Variants in LCORL observed in about 807,000 individuals in gnomAD.
LCORL encodes the protein ligand-dependent nuclear receptor corepressor-like protein.
LCORL carries 41 observed loss-of-function variants against 141.8 expected under a neutral mutation model. The observed-to-expected ratio is 0.29, with a 90% CI of 0.23 to 0.38. LCORL has a LOEUF of 0.38. Ranked by LOEUF, LCORL falls within the 10% of genes least tolerant of loss-of-function variation. The pLI is 1.00. For synonymous variants in LCORL, 618 were observed against 694.1 expected, an observed-to-expected ratio of 0.89 and a Z score of 1.72; for missense variants, 1,759 against 2,035.0, an observed-to-expected ratio of 0.86 and a Z score of 2.61.
At chr4:17,862,038 C>T (rs1414374005) in intron 7 of LCORL, among the ~76,000 whole-genome samples, 1 of 152,190 alleles carries the variant, frequency 6.6e-6, no homozygotes, top group East Asian at 1.9e-4. Context: ...CTGAGTGCTC[C>T]AAACTGTTCC....
chr4:17,963,607 AC>A (rs1015441295), intron 2 of LCORL, among the ~76,000 whole-genome samples: 1 of 151,566 alleles, frequency 6.6e-6, no homozygotes, highest in Non-Finnish European at 1.5e-5. Context: ...AATCAGGTAA[AC>A]AAATAAGGTA....
intron 7 of LCORL, among the ~76,000 whole-genome samples, chr4:17,858,884 A>G (rs1724669346): frequency 6.6e-6 from 1 of 152,200 alleles, no homozygotes; most frequent in Non-Finnish European, 1.5e-5. Flanking sequence ...GTTGATAACC[A>G]GTGATAAAGA....
At chr4:17,906,405 C>T (rs1228441499) in intron 5 of LCORL, among the ~76,000 whole-genome samples, 2 of 152,118 alleles carry the variant, frequency 1.3e-5, no homozygotes, top group African/African-American at 4.8e-5. Context: ...ATACCTCAAA[C>T]CACATTAAAC....
intron 4 of LCORL, among the ~76,000 whole-genome samples, chr4:17,947,886 G>T (rs1739136053): frequency 6.6e-6 from 1 of 151,890 alleles, no homozygotes; most frequent in Admixed American, 6.6e-5. Context: ...AAATCTAAGA[G>T]GGAAACTTTT....
chr4:17,963,662 A>T (rs979815717), intron 2 of LCORL, among the ~76,000 whole-genome samples: 8 of 151,916 alleles, frequency 5.3e-5, no homozygotes, highest in African/African-American at 1.7e-4. Flanking sequence ...CCAGAAGAAT[A>T]TTCCTTATAA....
chr4:17,920,828 T>G (rs979377772), intron 4 of LCORL, among the ~76,000 whole-genome samples: 1 of 152,204 alleles, frequency 6.6e-6, no homozygotes, highest in Non-Finnish European at 1.5e-5. Context: ...AACATGAGAT[T>G]GCAGCAATTC....
At chr4:17,890,349 A>G (rs922435095) in intron 5 of LCORL, among the ~76,000 whole-genome samples, 24 of 152,126 alleles carry the variant, frequency 1.6e-4, no homozygotes, top group Admixed American at 1.5e-3. Flanking sequence ...TTTAAAGCAC[A>G]CAAAACTATT....
At chr4:17,875,735 A>T (rs113970739) in exon 7 of LCORL, 30,941 of 1,230,844 alleles carry the variant, frequency 0.025, 441 homozygotes, top group Middle Eastern at 0.032. Context: ...CAACTTGGGG[A>T]CCTATTTTTT....
exon 8 of LCORL, chr4:17,843,108 C>A: frequency 2.1e-6 from 1 of 486,016 alleles, no homozygotes; most frequent in Non-Finnish European, 3.7e-6. Context: ...GCTAGATTTT[C>A]CCTGATTCAC....
intron 1 of LCORL, among the ~76,000 whole-genome samples, chr4:18,006,010 A>G (rs1303710360): frequency 1.3e-5 from 2 of 152,120 alleles, no homozygotes; most frequent in Non-Finnish European, 1.5e-5. Context: ...TTTTTTTCAC[A>G]TTGCCAGACT....
At chr4:17,954,106 T>C (rs1712068717) in intron 4 of LCORL, among the ~76,000 whole-genome samples, 1 of 152,106 alleles carries the variant, frequency 6.6e-6, no homozygotes, top group South Asian at 2.1e-4. Flanking sequence ...GAGCTTGCAG[T>C]GAGCCGAGAT....
intron 4 of LCORL, among the ~76,000 whole-genome samples, chr4:17,919,073 C>G (rs994316069): frequency 6.6e-6 from 1 of 151,868 alleles, no homozygotes; most frequent in African/African-American, 2.4e-5. Flanking sequence ...AGATATATCA[C>G]TACTGATCTT....
chr4:17,995,496 G>T lies in LCORL; in HGVS notation c.155-22611C>A, dbSNP rs575555537. Among the ~76,000 whole-genome samples the T allele has an allele frequency of 4.1e-4, 62 of 152,136 alleles. 1 individual carries two copies. The South Asian group carries it at 0.013, about 32-fold the overall frequency. On this transcript the variant is annotated intron_variant, in intron 1 of 7. Coordinates refer to ENST00000635767, the Ensembl canonical transcript of LCORL. Reference sequence around the variant, plus strand: ...GAGAAACTCAGCATTAAAGAAACCGGATCAATGTATCTAAATAGATACTAA... The same window carrying T: ...GAGAAACTCAGCATTAAAGAAACCGTATCAATGTATCTAAATAGATACTAA...
intron 7 of LCORL, among the ~76,000 whole-genome samples, chr4:17,853,847 T>C (rs1474771251): frequency 1.3e-5 from 2 of 152,128 alleles, no homozygotes; most frequent in Non-Finnish European, 2.9e-5. Flanking sequence ...TCACTTATCC[T>C]TTCTTCTAAC....
intron 1 of LCORL, among the ~76,000 whole-genome samples, chr4:17,995,959 C>A (rs1720862096): frequency 6.6e-6 from 1 of 152,018 alleles, no homozygotes; most frequent in Non-Finnish European, 1.5e-5. Flanking sequence ...ATTATCAACA[C>A]CTCATATATT....
intron 1 of LCORL, among the ~76,000 whole-genome samples, chr4:17,982,593 A>G (rs1328919751): frequency 2.0e-5 from 3 of 152,118 alleles, no homozygotes; most frequent in Non-Finnish European, 4.4e-5. Context: ...GTGTCTGTTC[A>G]TGTCCTTTGC....
intron 4 of LCORL, among the ~76,000 whole-genome samples, chr4:17,946,874 T>C (rs11936915): frequency 0.24 from 36,993 of 151,686 alleles, 5,869 homozygotes; most frequent in African/African-American, 0.45. Flanking sequence ...GAAGAAAAAA[T>C]TGCAGAGAAA....
chr4:17,999,455 A>C (rs897550170), intron 1 of LCORL, among the ~76,000 whole-genome samples: 4 of 146,556 alleles, frequency 2.7e-5, no homozygotes, highest in South Asian at 2.1e-4. Context: ...CCGTCTCACA[A>C]AAAAAAAAAA....
intron 1 of LCORL, among the ~76,000 whole-genome samples, chr4:17,994,350 G>A (rs1055940535): frequency 1.3e-5 from 2 of 151,854 alleles, no homozygotes; most frequent in African/African-American, 4.8e-5. Flanking sequence ...CCTGACCCCC[G>A]CACCTGCCAA....
Sources: gnomAD v4.1 joint callset for allele counts (sites outside exome capture counted in the v4.1 genomes callset) on GRCh38, gnomAD v4.1.1 for gene constraint, MANE v1.5 for transcripts, NCBI Gene and HGNC (gene_info 2026-07-23, HGNC 2026-07-21) for gene names.